The following TTC29 variants were observed in gnomAD, a reference collection of about 807,000 sequenced individuals.
TTC29 encodes tetratricopeptide repeat domain 29, also known as tetratricopeptide repeat protein 29.
Under a neutral mutation model 58.1 loss-of-function variants are expected in TTC29, and 49 were observed. The ratio of observed to expected loss-of-function variants is 0.84; its 90% CI spans 0.67 to 1.07. TTC29 has a LOEUF of 1.07. Ranked by LOEUF, TTC29 falls within the 50% of genes least tolerant of loss-of-function variation. The probability of loss-of-function intolerance (pLI) is 0.00; values close to 1 mark genes in which losing one functional copy is unlikely to be tolerated. For missense variants in TTC29, 582 were observed against 555.6 expected (o/e 1.05, Z -0.48); for synonymous variants, 209 against 196.8 (o/e 1.06, Z -0.52).
intron 6 of TTC29, among the ~76,000 whole-genome samples, chr4:146,892,456 A>C (rs1014999404): frequency 2.0e-5 from 3 of 152,230 alleles, no homozygotes; most frequent in African/African-American, 4.8e-5. Context: ...CAATAGATGC[A>C]GAAAAGGCCT....
chr4:146,769,718 A>T, intron 11 of TTC29, among the ~76,000 whole-genome samples: 1 of 152,040 alleles, frequency 6.6e-6, no homozygotes, highest in Admixed American at 6.6e-5. Context: ...GTTGCACAAC[A>T]GTGACCCTGA....
intron 9 of TTC29, among the ~76,000 whole-genome samples, chr4:146,829,345 T>A (rs1046869946): frequency 5.3e-5 from 8 of 152,156 alleles, no homozygotes; most frequent in African/African-American, 1.9e-4. Context: ...TGTGGTTGAG[T>A]GAACATAGAT....
At chr4:146,802,912 T>C (rs925142829) in intron 11 of TTC29, among the ~76,000 whole-genome samples, 9 of 152,214 alleles carry the variant, frequency 5.9e-5, no homozygotes, top group Non-Finnish European at 1.2e-4. Context: ...TCTAGTTGTT[T>C]GGTTTTAATT....
intron 8 of TTC29, among the ~76,000 whole-genome samples, chr4:146,849,205 A>G (rs1014516121): frequency 6.6e-6 from 1 of 152,150 alleles, no homozygotes; most frequent in Non-Finnish European, 1.5e-5. Flanking sequence ...AGTGCATTCA[A>G]TCTTCACAGA....
At chr4:146,824,115 C>G (rs184346824) in intron 9 of TTC29, among the ~76,000 whole-genome samples, 1 of 152,148 alleles carries the variant, frequency 6.6e-6, no homozygotes, top group Non-Finnish European at 1.5e-5. Flanking sequence ...CCTGATTGCC[C>G]TGGCCAGAAC....
chr4:146,930,525 A>T (rs1026051403), intron 4 of TTC29, among the ~76,000 whole-genome samples: 1 of 152,146 alleles, frequency 6.6e-6, no homozygotes, highest in Non-Finnish European at 1.5e-5. Flanking sequence ...TGGTTATTAC[A>T]ACATCTCCAA....
At chr4:146,769,154 G>A (rs747030764) in intron 11 of TTC29, among the ~76,000 whole-genome samples, 1 of 151,780 alleles carries the variant, frequency 6.6e-6, no homozygotes, top group Non-Finnish European at 1.5e-5. Flanking sequence ...ACTACATATT[G>A]CCCTATAATC....
intron 11 of TTC29, among the ~76,000 whole-genome samples, chr4:146,780,655 CTTAAATTGCTGAAGAAATATATA>C (rs1748524268): frequency 6.6e-6 from 1 of 151,884 alleles, no homozygotes; most frequent in Non-Finnish European, 1.5e-5. Flanking sequence ...CAGTTCATCT[CTTAAATTGCTGAAGAAATATATA>C]TTAAAGTACA....
intron 11 of TTC29, among the ~76,000 whole-genome samples, chr4:146,748,756 A>G (rs1180521157): frequency 6.6e-6 from 1 of 152,220 alleles, no homozygotes; most frequent in African/African-American, 2.4e-5. Flanking sequence ...GTCTTTCCCT[A>G]CAAAAGCTAT....
intron 8 of TTC29, among the ~76,000 whole-genome samples, chr4:146,859,865 T>C (rs1730115546): frequency 6.6e-6 from 1 of 152,182 alleles, no homozygotes; most frequent in Admixed American, 6.5e-5. Flanking sequence ...TCTCTTTTAC[T>C]GTTCTTTAAG....
At chr4:146,924,179 C>A (rs1734777172) in intron 4 of TTC29, among the ~76,000 whole-genome samples, 2 of 151,878 alleles carry the variant, frequency 1.3e-5, no homozygotes, top group Non-Finnish European at 2.9e-5. Flanking sequence ...GTTTCCTGAT[C>A]ATCTCCTTAA....
At chr4:146,751,145 C>T (rs541321490) in intron 11 of TTC29, among the ~76,000 whole-genome samples, 2 of 152,256 alleles carry the variant, frequency 1.3e-5, no homozygotes, top group Non-Finnish European at 2.9e-5. Flanking sequence ...ATAAAGGTGT[C>T]AATTCATCAA....
chr4:146,795,961 GGGGTGAC>G (rs1749807625), intron 11 of TTC29, among the ~76,000 whole-genome samples: 1 of 152,160 alleles, frequency 6.6e-6, no homozygotes, highest in African/African-American at 2.4e-5. Flanking sequence ...AAATATAAAT[GGGGTGAC>G]AGCTGAGTTC....
In TTC29 at chr4:146,746,061, T is replaced by C. The variant is rs569637563; in HGVS notation, c.1331-38510A>G. On this transcript the variant is annotated intron_variant, in intron 11 of 12. Coordinates refer to ENST00000325106, the MANE Select transcript of TTC29 (RefSeq NM_031956.4). ...TCTGTCTAAACTCCCAGTTCAGCGA[T>C]TGATGTTGAGAAAGAAGCTCAGTCT... Among the ~76,000 whole-genome samples, 18 of 152,302 alleles carry C rather than the reference T, an allele frequency of 1.2e-4. No homozygotes were observed. In the East Asian group the frequency reaches 1.9e-3, roughly 16 times the overall value.
chr4:146,768,012 T>G (rs2150070650), intron 11 of TTC29, among the ~76,000 whole-genome samples: 1 of 152,220 alleles, frequency 6.6e-6, no homozygotes, highest in East Asian at 1.9e-4. Flanking sequence ...ATATTATAGC[T>G]GCAATTCCTA....
intron 10 of TTC29, among the ~76,000 whole-genome samples, chr4:146,818,086 A>T (rs1561154895): frequency 6.6e-6 from 1 of 152,274 alleles, no homozygotes; most frequent in Non-Finnish European, 1.5e-5. Flanking sequence ...GACAAATGGG[A>T]TCTAATTAAA....
intron 6 of TTC29, among the ~76,000 whole-genome samples, chr4:146,890,373 G>A (rs886389303): frequency 6.6e-6 from 1 of 152,272 alleles, no homozygotes; most frequent in South Asian, 2.1e-4. Flanking sequence ...TACTTGTGGG[G>A]CTATAAGAGC....
At chr4:146,761,860 A>C (rs1307728195) in intron 11 of TTC29, among the ~76,000 whole-genome samples, 2 of 151,764 alleles carry the variant, frequency 1.3e-5, no homozygotes, top group Non-Finnish European at 2.9e-5. Flanking sequence ...TGCCCTTAGG[A>C]ATTTGAGAAA....
intron 8 of TTC29, among the ~76,000 whole-genome samples, chr4:146,849,221 G>A (rs185176362): frequency 3.2e-4 from 48 of 152,186 alleles, no homozygotes; most frequent in Admixed American, 1.1e-3. Flanking sequence ...ACAGAACCTC[G>A]AAATATATAT....
Sources: gnomAD v4.1 joint callset for allele counts (sites outside exome capture counted in the v4.1 genomes callset) on GRCh38, gnomAD v4.1.1 for gene constraint, MANE v1.5 for transcripts, NCBI Gene and HGNC (gene_info 2026-07-23, HGNC 2026-07-21) for gene names.